Variants in NRTN observed in about 807,000 individuals in gnomAD.
NRTN encodes the protein prepro-neurturin.
A neutral mutation model predicts 7.5 loss-of-function variants in NRTN; 3 were observed. The observed-to-expected ratio is 0.40, with a 90% CI of 0.18 to 1.03. NRTN has a LOEUF of 1.03. Among genes scored for constraint, NRTN ranks in the 50% least tolerant of loss-of-function variants. NRTN has a pLI of 0.34. For missense variants in NRTN, 310 were observed against 307.0 expected, an observed-to-expected ratio of 1.01 and a Z score of -0.07; for synonymous variants, 157 against 146.6, an observed-to-expected ratio of 1.07 and a Z score of -0.51.
At chr19:5,818,167 T>C (rs549996577) in intron 1 of NRTN, among the ~76,000 whole-genome samples, 1 of 152,222 alleles carries the variant, frequency 6.6e-6, no homozygotes, top group East Asian at 1.9e-4. Context: ...TTTCACCATG[T>C]TGGCCAGGTT....
intron 1 of NRTN, among the ~76,000 whole-genome samples, chr19:5,817,032 T>C (rs1160820146): frequency 6.6e-6 from 1 of 152,056 alleles, no homozygotes; most frequent in Admixed American, 6.6e-5. Flanking sequence ...GGGATCATGT[T>C]TGGGTGTAAG....
intron 1 of NRTN, among the ~76,000 whole-genome samples, chr19:5,820,632 G>C (rs1334581561): frequency 6.7e-6 from 1 of 150,080 alleles, no homozygotes; most frequent in Non-Finnish European, 1.5e-5. Flanking sequence ...GGGAGGCTGA[G>C]GCAGGAGAAT....
chr19:5,827,701 C>A, intron 2 of NRTN, 48 bp from the exon 3 acceptor site: 1 of 696,378 alleles, frequency 1.4e-6, no homozygotes, highest in African/African-American at 2.0e-5. Context: ...CTCCCTCCCA[C>A]CCCCTGCACC....
chr19:5,810,659 C>G (rs889409048), intron 1 of NRTN, among the ~76,000 whole-genome samples: 2 of 151,858 alleles, frequency 1.3e-5, no homozygotes, highest in African/African-American at 4.8e-5. Context: ...TACAGCCGGG[C>G]GCAGTGGCTC....
Position 5,824,198 on chromosome 19 carries a change from A to G in NRTN, c.33A>G (p.Ser11=). 6.2e-7 allele frequency: 1 copy of G among 1,611,240 alleles called. No individual in the cohort carries two copies. Among genetic ancestry groups the G allele is most frequent in the Non-Finnish European group, 8.5e-7 (1 of 1,179,916 alleles). Residue 11 remains serine (S), a synonymous_variant, in exon 2 of 3, where the codon TCA becomes TCG. Coordinates refer to ENST00000303212, the MANE Select transcript of NRTN (RefSeq NM_004558.5). ...GCTGGAAGGCGGCGGCCTTGGCCTC[A>G]GTGCTCTGCAGCTCCGTGCTGTCCA... MQRWKAAALA[S]VLCSSVLSIW...
chr19:5,821,039 T>C (rs1345147056), intron 1 of NRTN, among the ~76,000 whole-genome samples: 2 of 152,140 alleles, frequency 1.3e-5, no homozygotes, highest in African/African-American at 2.4e-5. Flanking sequence ...GCCCCCAGAT[T>C]CTCCTATGGC....
rs756539290 is a variant in NRTN, at chr19:5,810,265, C to CAAA, written c.-399+4831_-399+4833dup. On this transcript the variant is annotated intron_variant, in intron 1 of 2. Coordinates refer to ENST00000303212, the MANE Select transcript of NRTN (RefSeq NM_004558.5). ...CTGGGGACAGAGCAAGACTCTGTCT[C>CAAA]AAAAAAAAAAAAAAAAAAATTTTTT... 1.7e-3 allele frequency among the ~76,000 whole-genome samples: 154 copies of CAAA among 89,610 alleles called. 1 individual carries two copies. The highest frequency in any genetic ancestry group is 3.8e-3 in the African/African-American group (100 of 26,480). The allele number at this position is 89,610 out of a possible 152,430, so 58.8% of individuals were successfully genotyped here. A position where few individuals can be genotyped will look rare whatever the true frequency, so the allele number is the denominator to read the frequency against.
At chr19:5,808,685 G>T (rs367936246) in intron 1 of NRTN, among the ~76,000 whole-genome samples, 1 of 151,750 alleles carries the variant, frequency 6.6e-6, no homozygotes, top group Non-Finnish European at 1.5e-5. Context: ...GAACAGGCAC[G>T]GTCCTGCCTC....
chr19:5,809,952 CT>C (rs1456142312), intron 1 of NRTN, among the ~76,000 whole-genome samples: 2 of 152,096 alleles, frequency 1.3e-5, no homozygotes, highest in Non-Finnish European at 2.9e-5. Flanking sequence ...AGCTCAGACA[CT>C]TGTTACTTTT....
rs1209541873 is a variant in NRTN, at chr19:5,810,677, T to C, written c.-399+5226T>C. Reference sequence around the variant, plus strand: ...AGCCGGGCGCAGTGGCTCGTGCCTGTAATCCCAGCACTTTGGGAGGCCGAG... The same window carrying C: ...AGCCGGGCGCAGTGGCTCGTGCCTGCAATCCCAGCACTTTGGGAGGCCGAG... On this transcript the variant is annotated intron_variant, in intron 1 of 2. Coordinates refer to ENST00000303212, the MANE Select transcript of NRTN (RefSeq NM_004558.5). Among the ~76,000 whole-genome samples, 13 of 152,076 alleles carry C rather than the reference T, an allele frequency of 8.5e-5. 1 individual carries two copies. The highest frequency in any genetic ancestry group is 7.2e-4 in the Admixed American group (11 of 15,250).
intron 1 of NRTN, among the ~76,000 whole-genome samples, chr19:5,811,719 T>G (rs913248398): frequency 3.3e-5 from 5 of 151,274 alleles, no homozygotes; most frequent in African/African-American, 1.2e-4. Context: ...TGTTTTTTTT[T>G]TTTGTATTTT....
rs762870105 is a variant in NRTN at position 5,828,210 on chromosome 19, C to T, written c.*37C>T. The T allele has an allele frequency of 1.8e-5, 28 of 1,526,064 alleles. No individual in the cohort carries two copies. Among genetic ancestry groups the T allele is most frequent in the South Asian group, 7.2e-5 (6 of 83,350 alleles). 94.5% of individuals were successfully genotyped at this position (1,526,064 alleles called of 1,614,324 possible). ...TCGGCCGGCGCGGCGGCCACTCCCCCCGCCTCGACGGCACCACTGGCCGGC... is the reference window on the plus strand; with the variant it reads ...TCGGCCGGCGCGGCGGCCACTCCCCTCGCCTCGACGGCACCACTGGCCGGC... On this transcript the variant is annotated 3_prime_UTR_variant, in exon 3 of 3. Transcript: ENST00000303212.
rs1307196045 is a variant in NRTN, at chr19:5,828,028, A to C, written c.449A>C (p.Gln150Pro). ...GACCTCGGGCTGCGACGACTGCGCC[A>C]GCGGCGGCGCCTGCGGCGGGAGCGG... Reference protein sequence around the residue: ...VYDLGLRRLRQRRRLRRERVR... With the variant: ...VYDLGLRRLRPRRRLRRERVR... The change falls in exon 3 of 3, where the codon CAG becomes CCG. Residue 150 changes from glutamine to proline, a missense_variant. Physicochemically the swap from Gln to Pro is moderately conservative, Grantham distance 76 (BLOSUM62 -1). Coordinates refer to ENST00000303212, the MANE Select transcript of NRTN (RefSeq NM_004558.5). 4.9e-6 allele frequency: 7 copies of C among 1,420,298 alleles called. No individual in the cohort carries two copies. The highest frequency in any genetic ancestry group is 3.2e-5 in the Admixed American group (1 of 31,164). 88.0% of individuals were successfully genotyped at this position (1,420,298 alleles called of 1,614,324 possible). A position where few individuals can be genotyped will look rare whatever the true frequency, so the allele number is the denominator to read the frequency against.
At chr19:5,819,793 G>C (rs1008308341) in intron 1 of NRTN, among the ~76,000 whole-genome samples, 18 of 151,584 alleles carry the variant, frequency 1.2e-4, no homozygotes, top group Non-Finnish European at 2.9e-5. Context: ...GGCTGCAGTG[G>C]GCGCTGTGAT....
intron 1 of NRTN, among the ~76,000 whole-genome samples, chr19:5,812,917 G>A (rs978531309): frequency 4.6e-5 from 7 of 152,170 alleles, no homozygotes; most frequent in African/African-American, 9.7e-5. Flanking sequence ...CATGTATGCC[G>A]CGGCGTTCAC....
At chr19:5,808,616 C>T (rs536704477) in intron 1 of NRTN, among the ~76,000 whole-genome samples, 45 of 152,284 alleles carry the variant, frequency 3.0e-4, no homozygotes, top group South Asian at 2.5e-3. Flanking sequence ...CGTTACTTCC[C>T]GCCTCATCTC....
At chr19:5,827,669 G>C (rs897240714) in intron 2 of NRTN, 80 bp from the exon 3 acceptor site, 1 of 607,794 alleles carries the variant, frequency 1.6e-6, no homozygotes, top group African/African-American at 2.1e-5. Flanking sequence ...TTCGTTTGCA[G>C]GGGTACAGAG....
intron 1 of NRTN, among the ~76,000 whole-genome samples, chr19:5,807,585 G>A (rs2436530): frequency 0.037 from 5,668 of 152,324 alleles, 365 homozygotes; most frequent in African/African-American, 0.13. Flanking sequence ...AGATGATGAT[G>A]TTGGAATGGA....
At chr19:5,819,352 C>T (rs1439468672) in intron 1 of NRTN, among the ~76,000 whole-genome samples, 1 of 151,798 alleles carries the variant, frequency 6.6e-6, no homozygotes, top group Non-Finnish European at 1.5e-5. Context: ...CATGATGAGA[C>T]ATCGTCTCTA....
Sources: gnomAD v4.1 joint callset for allele counts (sites outside exome capture counted in the v4.1 genomes callset) on GRCh38, gnomAD v4.1.1 for gene constraint, MANE v1.5 for transcripts, NCBI Gene and HGNC (gene_info 2026-07-23, HGNC 2026-07-21) for gene names.